Variants in VMP1 observed in about 807,000 individuals in gnomAD.
VMP1 encodes ectopic P-granules autophagy protein 3 homolog.
A neutral mutation model predicts 56.0 loss-of-function variants in VMP1; 11 were observed. That is an observed-to-expected ratio of 0.20 (90% CI 0.12 to 0.32). VMP1 has a LOEUF of 0.32. Among genes scored for constraint, VMP1 ranks in the 10% least tolerant of loss-of-function variants. The pLI is 1.00. For synonymous variants in VMP1, 149 were observed against 165.0 expected (o/e 0.90, Z 0.74); for missense variants, 296 against 490.3 (o/e 0.60, Z 3.74).
chr17:59,823,252 C>T (rs1385284442), intron 10 of VMP1, among the ~76,000 whole-genome samples: 1 of 151,404 alleles, frequency 6.6e-6, no homozygotes, highest in Non-Finnish European at 1.5e-5. Context: ...GAGTTTGAGA[C>T]CAGGCTGGCC....
chr17:59,741,194 CA>C (rs553123749), intron 5 of VMP1, among the ~76,000 whole-genome samples: 10 of 146,832 alleles, frequency 6.8e-5, no homozygotes, highest in East Asian at 2.0e-4. Flanking sequence ...GACCTTGTCT[CA>C]AAAAAAAAAT....
chr17:59,794,517 ATTTTTTTTTTTTTTTT>A (rs71145572), intron 7 of VMP1, among the ~76,000 whole-genome samples: 47 of 43,112 alleles, frequency 1.1e-3, no homozygotes, highest in African/African-American at 4.5e-3. Flanking sequence ...CGCGCCCTGC[ATTTTTTTTTTTTTTTT>A]TTTTTTTTTT....
At chr17:59,742,522 CAATAATAATAATAAT>C (rs71370113) in intron 5 of VMP1, among the ~76,000 whole-genome samples, 6 of 142,948 alleles carry the variant, frequency 4.2e-5, no homozygotes, top group African/African-American at 1.5e-4. Flanking sequence ...GTCTCAAAAA[CAATAATAATAATAAT>C]AATAATAATA....
intron 9 of VMP1, among the ~76,000 whole-genome samples, chr17:59,813,308 T>C (rs1034163013): frequency 6.6e-6 from 1 of 152,198 alleles, no homozygotes; most frequent in Non-Finnish European, 1.5e-5. Context: ...CCAGATGCGG[T>C]GGCTCACACC....
chr17:59,794,219 C>CTTTTT (rs574035691), intron 7 of VMP1, among the ~76,000 whole-genome samples: 4 of 64,638 alleles, frequency 6.2e-5, no homozygotes, highest in Admixed American at 2.1e-4. Flanking sequence ...CGCACCCGGC[C>CTTTTT]TTTTTTTTTT....
intron 9 of VMP1, among the ~76,000 whole-genome samples, chr17:59,814,323 A>G (rs1353722253): frequency 1.3e-5 from 2 of 152,268 alleles, no homozygotes; most frequent in Admixed American, 6.5e-5. Flanking sequence ...GCACTTATCT[A>G]TATGATTTAA....
chr17:59,797,301 C>T (rs1339084712), intron 7 of VMP1, among the ~76,000 whole-genome samples: 1 of 146,366 alleles, frequency 6.8e-6, no homozygotes, highest in African/African-American at 2.5e-5. Flanking sequence ...CACGCCATGC[C>T]ACTGCACTCC....
At chr17:59,836,447 C>G (rs2038984070) in intron 10 of VMP1, among the ~76,000 whole-genome samples, 1 of 152,068 alleles carries the variant, frequency 6.6e-6, no homozygotes, top group African/African-American at 2.4e-5. Flanking sequence ...ATCCTCCCAT[C>G]TTGGCCTCCC....
At chr17:59,819,003 G>T (rs919176900) in intron 10 of VMP1, among the ~76,000 whole-genome samples, 12 of 151,812 alleles carry the variant, frequency 7.9e-5, no homozygotes, top group African/African-American at 2.9e-4. Context: ...TGATTTTTTT[G>T]GTCATATATA....
At chr17:59,708,572 C>T (rs2033780432) in intron 1 of VMP1, among the ~76,000 whole-genome samples, 1 of 152,206 alleles carries the variant, frequency 6.6e-6, no homozygotes, top group Admixed American at 6.5e-5. Flanking sequence ...CAGCATCGCT[C>T]CTTATCCTAA....
intron 3 of VMP1, 129 bp from the exon 4 acceptor site, chr17:59,737,324 A>C: frequency 1.3e-6 from 1 of 748,134 alleles, no homozygotes; most frequent in Non-Finnish European, 2.1e-6. Flanking sequence ...AGAGGCCATG[A>C]TGTGTAAGGA....
intron 1 of VMP1, chr17:59,708,216 T>C (rs1291535273): frequency 6.6e-6 from 1 of 152,248 alleles, no homozygotes; most frequent in Non-Finnish European, 1.5e-5. Flanking sequence ...GCAAGTGCCA[T>C]CTAAAGCTCT....
chr17:59,752,747 G>A (rs1234870177), intron 5 of VMP1, among the ~76,000 whole-genome samples: 1 of 152,144 alleles, frequency 6.6e-6, no homozygotes, highest in Non-Finnish European at 1.5e-5. Context: ...AAGTTTAGAT[G>A]TCATGTGTAG....
intron 6 of VMP1, 109 bp downstream of exon 6, chr17:59,765,247 G>C: frequency 7.9e-7 from 1 of 1,271,714 alleles, no homozygotes; most frequent in Non-Finnish European, 1.1e-6. Context: ...AAATGATTCA[G>C]TCAGTAACCA....
rs896759126 is a variant in VMP1 at position 59,764,622 on chromosome 17, C to T, written c.415-349C>T. Among the ~76,000 whole-genome samples the T allele has an allele frequency of 3.9e-5, 6 of 152,132 alleles. No individual in the cohort carries two copies. In the East Asian group the frequency reaches 7.7e-4, roughly 20 times the overall value. ...TACAGGCATGAGCTGCTGTGCCTGGCCAAGGGATCATTTTTGCAGTAATGG... is the reference window on the plus strand; with the variant it reads ...TACAGGCATGAGCTGCTGTGCCTGGTCAAGGGATCATTTTTGCAGTAATGG... On this transcript the variant is annotated intron_variant, in intron 5 of 11. Coordinates refer to ENST00000262291, the MANE Select transcript of VMP1 (RefSeq NM_030938.5).
At chr17:59,710,054 G>A (rs569696425) in intron 1 of VMP1, among the ~76,000 whole-genome samples, 1 of 152,190 alleles carries the variant, frequency 6.6e-6, no homozygotes, top group African/African-American at 2.4e-5. Flanking sequence ...AAAATTAGCC[G>A]GGCGTGGTGG....
chr17:59,722,232 C>A lies in VMP1; in HGVS notation c.-26-9189C>A, dbSNP rs561217455. ...CTTATAGCTAATCAGCATGAGAAGT[C>A]AGATTATAAACAAAATACTATTTGG... On this transcript the variant is annotated intron_variant, in intron 1 of 11. Transcript: ENST00000262291. 4.6e-5 allele frequency among the ~76,000 whole-genome samples: 7 copies of A among 152,214 alleles called. No individual in the cohort carries two copies. In the South Asian group the frequency reaches 1.5e-3, roughly 32 times the overall value.
chr17:59,726,193 T>C (rs925872701), intron 1 of VMP1, among the ~76,000 whole-genome samples: 8 of 152,140 alleles, frequency 5.3e-5, no homozygotes, highest in Admixed American at 3.9e-4. Flanking sequence ...ATTTATCATA[T>C]ATTTAGATAT....
intron 2 of VMP1, among the ~76,000 whole-genome samples, chr17:59,732,613 C>A (rs2143807542): frequency 6.6e-6 from 1 of 152,296 alleles, no homozygotes; most frequent in Non-Finnish European, 1.5e-5. Context: ...TTTTGGGTTA[C>A]TTTGGTTGTC....
Sources: allele counts gnomAD v4.1 joint callset (sites outside exome capture counted in the v4.1 genomes callset), GRCh38; gene constraint gnomAD v4.1.1; transcripts MANE v1.5; gene names NCBI Gene and HGNC (gene_info 2026-07-23, HGNC 2026-07-21).